Variants in DAB2IP observed in about 807,000 individuals in gnomAD.
DAB2IP encodes the protein disabled homolog 2-interacting protein.
A neutral mutation model predicts 107.2 loss-of-function variants in DAB2IP; 28 were observed. The ratio of observed to expected loss-of-function variants is 0.26; its 90% CI spans 0.19 to 0.36. The LOEUF is 0.36. DAB2IP is among the 10% of genes least tolerant of loss of function. DAB2IP has a pLI of 1.00. For synonymous variants in DAB2IP, 755 were observed against 706.4 expected (o/e 1.07, Z -1.09); for missense variants, 1,400 against 1,644.7 (o/e 0.85, Z 2.57).
intron 1 of DAB2IP, among the ~76,000 whole-genome samples, chr9:121,590,597 C>T (rs780126625): frequency 6.6e-6 from 1 of 152,104 alleles, no homozygotes; most frequent in Non-Finnish European, 1.5e-5. Flanking sequence ...TTTTCAGAGG[C>T]GGTCGTAAGA....
At chr9:121,621,984 C>CTTTTTTTTT (rs1202929145) in intron 1 of DAB2IP, among the ~76,000 whole-genome samples, 4 of 99,716 alleles carry the variant, frequency 4.0e-5, no homozygotes, top group Non-Finnish European at 5.9e-5. Flanking sequence ...TTTTTTCTTT[C>CTTTTTTTTT]TTTTTTTTTT....
At chr9:121,751,038 G>A (rs1225849430) in intron 3 of DAB2IP, 1 of 175,218 alleles carries the variant, frequency 5.7e-6, no homozygotes, top group Non-Finnish European at 1.2e-5. Flanking sequence ...CCCACCTGGA[G>A]TGAGTGGGTC....
intron 1 of DAB2IP, among the ~76,000 whole-genome samples, chr9:121,632,731 G>A (rs1831940739): frequency 6.6e-6 from 1 of 152,232 alleles, no homozygotes; most frequent in African/African-American, 2.4e-5. Flanking sequence ...AGGCCTCAGA[G>A]AGTGACACTG....
intron 1 of DAB2IP, among the ~76,000 whole-genome samples, chr9:121,659,048 T>C (rs1221666134): frequency 1.3e-5 from 2 of 152,172 alleles, no homozygotes; most frequent in Admixed American, 1.3e-4. Flanking sequence ...TGTGCCGACA[T>C]AGTTGTGAAA....
chr9:121,651,540 C>A (rs898266517), upstream of DAB2IP: 30 of 498,130 alleles, frequency 6.0e-5, no homozygotes, highest in Admixed American at 1.2e-4. This position sits in a 1 kb window ranked among gnomAD's most constrained non-coding sequence, Gnocchi z 5.1. Context: ...CTTTCCGGGC[C>A]GGTGCCAGCC....
At chr9:121,573,356 C>T (rs1237748904) in intron 1 of DAB2IP, among the ~76,000 whole-genome samples, 1 of 151,652 alleles carries the variant, frequency 6.6e-6, no homozygotes, top group Non-Finnish European at 1.5e-5. Flanking sequence ...GGATTACAGG[C>T]GTGAGCCACC....
At chr9:121,745,523 A>G (rs1004338786) in intron 3 of DAB2IP, among the ~76,000 whole-genome samples, 2 of 151,808 alleles carry the variant, frequency 1.3e-5, no homozygotes, top group African/African-American at 4.8e-5. Flanking sequence ...AGGCTTTGGG[A>G]GGAATGGGCA....
At chr9:121,769,037 A>G (rs1236334693) in intron 10 of DAB2IP, among the ~76,000 whole-genome samples, 1 of 152,124 alleles carries the variant, frequency 6.6e-6, no homozygotes, top group Non-Finnish European at 1.5e-5. Context: ...GCCCTTGACC[A>G]TCAGTTGACA....
upstream of DAB2IP, among the ~76,000 whole-genome samples, chr9:121,648,937 C>A (rs1335446650): frequency 1.3e-5 from 2 of 151,910 alleles, no homozygotes. Flanking sequence ...ACAGGGGCGC[C>A]GGCGGGAGGT....
intron 3 of DAB2IP, among the ~76,000 whole-genome samples, chr9:121,708,776 G>A (rs1830183287): frequency 6.6e-6 from 1 of 152,254 alleles, no homozygotes; most frequent in African/African-American, 2.4e-5. Flanking sequence ...GACAGGACTA[G>A]TCAGCATTTT....
intron 1 of DAB2IP, among the ~76,000 whole-genome samples, chr9:121,580,750 G>A (rs776876835): frequency 6.6e-6 from 1 of 152,048 alleles, no homozygotes; most frequent in Non-Finnish European, 1.5e-5. Context: ...TCAGCCTCCT[G>A]AGTAGCTGGG....
chr9:121,616,518 G>A (rs1044185184), intron 1 of DAB2IP, among the ~76,000 whole-genome samples: 4 of 152,182 alleles, frequency 2.6e-5, no homozygotes, highest in African/African-American at 9.7e-5. Context: ...GGCTCTGCTG[G>A]TGGTAGTTGG....
chr9:121,577,452 C>T (rs924150460), intron 1 of DAB2IP, among the ~76,000 whole-genome samples: 4 of 152,234 alleles, frequency 2.6e-5, no homozygotes, highest in Non-Finnish European at 4.4e-5. Flanking sequence ...AGGAGCTCCA[C>T]GGTGTGTCTG....
At chr9:121,637,220 T>C (rs1026775158) in intron 1 of DAB2IP, among the ~76,000 whole-genome samples, 4 of 152,202 alleles carry the variant, frequency 2.6e-5, no homozygotes, top group African/African-American at 9.7e-5. Context: ...CTTTTCCCTC[T>C]GAAGGCTTTT....
intron 1 of DAB2IP, among the ~76,000 whole-genome samples, chr9:121,655,115 G>T (rs550262536): frequency 2.7e-4 from 41 of 150,438 alleles, no homozygotes; most frequent in Admixed American, 7.2e-4. Context: ...CTGCTGTGGT[G>T]GGGGGTAGAG....
chr9:121,649,829 G>A (rs997587938), upstream of DAB2IP, among the ~76,000 whole-genome samples: 3 of 152,202 alleles, frequency 2.0e-5, no homozygotes, highest in Non-Finnish European at 4.4e-5. Flanking sequence ...CTGTCCAGGG[G>A]CTTCTTTTTA....
At chr9:121,657,300 G>A (rs1319394623) in intron 1 of DAB2IP, among the ~76,000 whole-genome samples, 1 of 152,212 alleles carries the variant, frequency 6.6e-6, no homozygotes, top group Non-Finnish European at 1.5e-5. Flanking sequence ...AGCTCTCTAG[G>A]TCCTCGAAGG....
At chr9:121,587,992 C>A (rs1186087474) in intron 1 of DAB2IP, among the ~76,000 whole-genome samples, 4 of 152,206 alleles carry the variant, frequency 2.6e-5, no homozygotes, top group African/African-American at 9.7e-5. Flanking sequence ...TAGCTGGGTT[C>A]TCTGCCCATG....
intron 12 of DAB2IP, among the ~76,000 whole-genome samples, chr9:121,773,885 G>A (rs1009665474): frequency 3.9e-5 from 6 of 152,206 alleles, no homozygotes; most frequent in African/African-American, 1.4e-4. Flanking sequence ...CTGGAGCATG[G>A]ATGACCCTGT....
Sources: allele counts gnomAD v4.1 joint callset (sites outside exome capture counted in the v4.1 genomes callset), GRCh38; gene constraint gnomAD v4.1.1; non-coding constraint Gnocchi (gnomAD v3.1); transcripts MANE v1.5; gene names NCBI Gene and HGNC (gene_info 2026-07-23, HGNC 2026-07-21).